Variants in ULK2 observed in about 807,000 individuals in gnomAD.
ULK2 encodes the protein serine/threonine-protein kinase ULK2.
A neutral mutation model predicts 127.5 loss-of-function variants in ULK2; 76 were observed. The ratio of observed to expected loss-of-function variants is 0.60; its 90% confidence interval spans 0.50 to 0.72. The LOEUF (loss-of-function observed/expected upper bound fraction) is 0.72. Among genes scored for constraint, ULK2 ranks in the 30% least tolerant of loss-of-function variants. The pLI is 0.00. For synonymous variants in ULK2, 452 were observed against 461.9 expected (o/e 0.98, Z 0.28); for missense variants, 1,144 against 1,295.9 (o/e 0.88, Z 1.80).
chr17:19,781,175 G>C, intron 23 of ULK2, 71 bp from the exon 24 acceptor site: 1 of 1,277,570 alleles, frequency 7.8e-7, no homozygotes, highest in East Asian at 2.4e-5. Context: ...TACACAACAG[G>C]TCACCATTAA....
chr17:19,785,191 A>T (rs1351467512), intron 21 of ULK2, among the ~76,000 whole-genome samples: 1 of 152,046 alleles, frequency 6.6e-6, no homozygotes, highest in Non-Finnish European at 1.5e-5. Context: ...AAGTACAAAA[A>T]ATTAAAAATA....
chr17:19,811,803 C>CA (rs886117950), intron 13 of ULK2, among the ~76,000 whole-genome samples: 2 of 151,894 alleles, frequency 1.3e-5, no homozygotes, highest in Non-Finnish European at 2.9e-5. Flanking sequence ...ATCCTAAGGA[C>CA]AAAAAAGATC....
At chr17:19,860,036 G>A (rs1014990566) in intron 3 of ULK2, among the ~76,000 whole-genome samples, 6 of 151,886 alleles carry the variant, frequency 4.0e-5, no homozygotes, top group African/African-American at 1.2e-4. Flanking sequence ...ATTATGAAAA[G>A]GTATCTAAGA....
At chr17:19,836,438 C>A (rs1469769806) in intron 10 of ULK2, among the ~76,000 whole-genome samples, 1 of 151,146 alleles carries the variant, frequency 6.6e-6, no homozygotes, top group Non-Finnish European at 1.5e-5. Context: ...AAAAATTAGC[C>A]GGGCATGGTG....
chr17:19,781,054 G>A lies in ULK2; in HGVS notation c.2690C>T (p.Ala897Val). The part of the protein sequence containing the change: ...LYMKAAQLLA[A>V]SLHLAKAQIK... Reference sequence around the variant, plus strand: ...CTGGGCTTTGGCAAGATGCAGAGAAGCCGCAAGCAGCTGTGCTGCTTTCAT... The same window carrying A: ...CTGGGCTTTGGCAAGATGCAGAGAAACCGCAAGCAGCTGTGCTGCTTTCAT... The change falls in exon 24 of 27, where the codon GCT becomes GTT. Residue 897 changes from alanine (A) to valine (V), a missense_variant. Around this residue, in one of 2 missense-constraint regions of ULK2, gnomAD observed 913 missense variants for 970.5 expected, o/e 0.94. Transcript: ENST00000395544. The A allele has an allele frequency of 6.2e-7, 1 of 1,613,956 alleles. No individual in the cohort carries two copies. The highest frequency in any genetic ancestry group is 8.5e-7 in the Non-Finnish European group (1 of 1,179,990).
In ULK2 at chr17:19,799,761, G is replaced by A. The variant is rs142330894; in HGVS notation, c.1442-186C>T. Among the ~76,000 whole-genome samples the A allele has an allele frequency of 2.1e-3, 325 of 152,304 alleles. 1 individual carries two copies. Among genetic ancestry groups the A allele is most frequent in the African/African-American group, 7.5e-3 (313 of 41,568 alleles). ...CAATCCGCTGGGTGCTGCACACTAA[G>A]ATAAAAAGTATCATATAATCTGCCT... On this transcript the variant is annotated intron_variant, in intron 16 of 26. Coordinates refer to ENST00000395544, the MANE Select transcript of ULK2 (RefSeq NM_014683.4).
chr17:19,825,299 C>A, intron 11 of ULK2, 117 bp from the exon 12 acceptor site: 1 of 760,850 alleles, frequency 1.3e-6, no homozygotes, highest in Middle Eastern at 2.4e-4. Context: ...TCTGCATTTA[C>A]CTATTTATTA....
chr17:19,849,474 T>G, intron 4 of ULK2, 69 bp from the exon 5 acceptor site: 1 of 1,430,544 alleles, frequency 7.0e-7, no homozygotes, highest in Non-Finnish European at 9.7e-7. Context: ...CCATTCTCAA[T>G]TGTGATTAAA....
At position 19,816,671 on chromosome 17, in the gene ULK2, G is replaced by A. The variant is rs958420761; in HGVS notation, c.1096+78C>T. 1.1e-5 allele frequency: 15 copies of A among 1,337,764 alleles called. 1 individual carries two copies. The Admixed American group carries it at 1.7e-4, about 16-fold the overall frequency. 82.9% of individuals were successfully genotyped at this position (1,337,764 alleles called of 1,614,324 possible). ...GAAAAGGTGCCCTACACAAGAAAGTGTAATATATGGGTTAAAAAAAAGATG... is the reference window on the plus strand; with the variant it reads ...GAAAAGGTGCCCTACACAAGAAAGTATAATATATGGGTTAAAAAAAAGATG... On this transcript the variant is annotated intron_variant, in intron 13 of 26. Transcript: ENST00000395544.
At chr17:19,812,194 A>G (rs1391571787) in intron 13 of ULK2, among the ~76,000 whole-genome samples, 3 of 152,184 alleles carry the variant, frequency 2.0e-5, no homozygotes, top group Non-Finnish European at 2.9e-5. Context: ...TAAAAGCAGG[A>G]TTGATTGAAA....
At chr17:19,817,231 C>A (rs2041012427) in intron 12 of ULK2, among the ~76,000 whole-genome samples, 1 of 152,124 alleles carries the variant, frequency 6.6e-6, no homozygotes, top group South Asian at 2.1e-4. Context: ...TCACAACATC[C>A]CCCGGTTCTA....
chr17:19,789,831 G>C (rs2087112406), intron 20 of ULK2, among the ~76,000 whole-genome samples: 2 of 150,636 alleles, frequency 1.3e-5, no homozygotes, highest in African/African-American at 4.9e-5. Flanking sequence ...TTTGAAAATA[G>C]GCTATCTGAA....
At chr17:19,851,249 C>T (rs2042007634) in intron 3 of ULK2, among the ~76,000 whole-genome samples, 1 of 148,196 alleles carries the variant, frequency 6.7e-6, no homozygotes, top group Non-Finnish European at 1.5e-5. Flanking sequence ...ATCATTTGAA[C>T]CCAGGAGGCA....
chr17:19,842,303 T>C (rs2041782940), intron 8 of ULK2, among the ~76,000 whole-genome samples: 1 of 150,270 alleles, frequency 6.7e-6, no homozygotes, highest in African/African-American at 2.5e-5. Flanking sequence ...GTTCAAGCGA[T>C]TCTCCTGCCT....
intron 17 of ULK2, 39 bp from the exon 18 acceptor site, chr17:19,797,721 G>T (rs1159917425): frequency 7.1e-7 from 1 of 1,411,320 alleles, no homozygotes; most frequent in South Asian, 1.8e-5. Flanking sequence ...CTGAAGTGAA[G>T]AAGTGCAGTG....
chr17:19,843,539 A>G (rs1261031691), intron 7 of ULK2, among the ~76,000 whole-genome samples: 1 of 152,170 alleles, frequency 6.6e-6, no homozygotes, highest in Non-Finnish European at 1.5e-5. Flanking sequence ...ACCATAGGAC[A>G]TGGTGTATAA....
In ULK2 at chr17:19,810,431, C is replaced by T. The variant is rs751858329; in HGVS notation, c.1104G>A (p.Met368Ile). The T allele has an allele frequency of 1.2e-6, 2 of 1,602,632 alleles. No homozygotes were observed. The highest frequency in any genetic ancestry group is 1.7e-6 in the Non-Finnish European group (2 of 1,171,202). The change falls in exon 14 of 27, where the codon ATG becomes ATA. Residue 368 changes from methionine to isoleucine, a missense_variant. Around this residue, in one of 2 missense-constraint regions of ULK2, gnomAD observed 913 missense variants for 970.5 expected, o/e 0.94. Transcript: ENST00000395544. ...CACGTCTGCCAGCAGTCCCCACTGG[C>T]ATATCACCTAAAGGAGAGAAAAGAA... ...HNISSDHSCDMPVGTAGRRAS... is the reference protein window; with the variant it reads ...HNISSDHSCDIPVGTAGRRAS...
intron 2 of ULK2, 30 bp downstream of exon 2, chr17:19,865,706 A>C: frequency 7.7e-7 from 1 of 1,304,690 alleles, no homozygotes; most frequent in Non-Finnish European, 1.1e-6. Context: ...TTTTAACCTT[A>C]TATGAATACT....
intron 25 of ULK2, among the ~76,000 whole-genome samples, chr17:19,780,260 G>A (rs1327319533): frequency 2.0e-5 from 3 of 151,782 alleles, no homozygotes; most frequent in South Asian, 2.1e-4. Context: ...TATAGCAAAT[G>A]TGGTAAACGG....
Sources: gnomAD v4.1 joint callset for allele counts (sites outside exome capture counted in the v4.1 genomes callset) on GRCh38, gnomAD v4.1.1 for gene constraint, gnomAD v4.1.1 regional missense constraint, MANE v1.5 for transcripts, NCBI Gene and HGNC (gene_info 2026-07-23, HGNC 2026-07-21) for gene names.